Variants in DNAAF10 observed in about 807,000 individuals in gnomAD.
DNAAF10 encodes the protein WD repeat domain 92.
A neutral mutation model predicts 43.7 loss-of-function variants in DNAAF10; 28 were observed. The ratio of observed to expected loss-of-function variants is 0.64; its 90% CI spans 0.48 to 0.88. The LOEUF (loss-of-function observed/expected upper bound fraction) is 0.88, where lower values mean the gene tolerates loss of function less well. Ranked by LOEUF, DNAAF10 falls within the 40% of genes least tolerant of loss-of-function variation. The probability of loss-of-function intolerance (pLI) is 0.00; values close to 1 mark genes in which losing one functional copy is unlikely to be tolerated. For missense variants in DNAAF10, 403 were observed against 439.1 expected (o/e 0.92, Z 0.73); for synonymous variants, 156 against 157.3 (o/e 0.99, Z 0.06).
intron 1 of DNAAF10, 21 bp downstream of exon 1, chr2:68,157,240 G>C (rs755172486): frequency 2.5e-6 from 4 of 1,603,160 alleles, no homozygotes; most frequent in South Asian, 2.2e-5. Flanking sequence ...CGGCAGTCCG[G>C]ATCCTCGACC....
Position 68,156,912 on chromosome 2 carries a change from G to A in DNAAF10, c.183+349C>T, listed in dbSNP as rs780388514. ...TCCCACTAGAAAATAAACTCCATGA[G>A]ATGGGGGACATTACCATTCACATCC... On this transcript the variant is annotated intron_variant, in intron 1 of 7. Coordinates refer to ENST00000295121, the MANE Select transcript of DNAAF10 (RefSeq NM_138458.4). 9.6e-6 allele frequency: 3 copies of A among 312,452 alleles called. No homozygotes were observed. In the East Asian group the frequency reaches 2.0e-4, roughly 21 times the overall value. The allele number at this position is 312,452 out of a possible 1,614,324, so 19.4% of individuals were successfully genotyped here.
At chr2:68,140,183 CT>C (rs952449088) in intron 4 of DNAAF10, among the ~76,000 whole-genome samples, 3 of 152,234 alleles carry the variant, frequency 2.0e-5, no homozygotes, top group African/African-American at 7.2e-5. Flanking sequence ...AAGGAGGCCC[CT>C]GTCACTGTGC....
intron 4 of DNAAF10, 89 bp from the exon 5 acceptor site, chr2:68,138,946 CTT>C: frequency 1.1e-6 from 1 of 897,244 alleles, no homozygotes; most frequent in Non-Finnish European, 1.8e-6. Context: ...TAACATAAAA[CTT>C]ATATTAAATC....
intron 1 of DNAAF10, among the ~76,000 whole-genome samples, chr2:68,151,170 T>C (rs767436681): frequency 1.2e-4 from 18 of 152,240 alleles, no homozygotes; most frequent in Non-Finnish European, 2.1e-4. Flanking sequence ...GCCTATGGTA[T>C]ACAAAATGCA....
intron 1 of DNAAF10, among the ~76,000 whole-genome samples, chr2:68,151,724 C>G (rs1278417194): frequency 6.6e-6 from 1 of 152,180 alleles, no homozygotes. Context: ...CTTTCATGTG[C>G]CAGGGTTCTG....
chr2:68,139,637 A>C (rs558073641), intron 4 of DNAAF10, among the ~76,000 whole-genome samples: 2 of 150,464 alleles, frequency 1.3e-5, no homozygotes, highest in Non-Finnish European at 3.0e-5. Context: ...AAAAAAAAAA[A>C]GAAAAAAATA....
At chr2:68,134,194 T>C (rs1672983721) in intron 7 of DNAAF10, 1 of 986,962 alleles carries the variant, frequency 1.0e-6, no homozygotes, top group Non-Finnish European at 1.2e-6. Context: ...GTATCTGTGA[T>C]GTTAGCGCCC....
At chr2:68,143,386 T>C (rs762215394) in intron 3 of DNAAF10, among the ~76,000 whole-genome samples, 5 of 152,160 alleles carry the variant, frequency 3.3e-5, no homozygotes, top group South Asian at 2.1e-4. Context: ...TTTCGCTATG[T>C]TGCCCAGGCT....
At chr2:68,138,887 C>A (rs1673109488) in intron 4 of DNAAF10, 30 bp from the exon 5 acceptor site, 1 of 1,470,076 alleles carries the variant, frequency 6.8e-7, no homozygotes. Context: ...ATTTCACATC[C>A]TTATAAATGC....
At chr2:68,150,256 G>C (rs544737083) in intron 1 of DNAAF10, among the ~76,000 whole-genome samples, 2 of 152,262 alleles carry the variant, frequency 1.3e-5, no homozygotes, top group East Asian at 3.9e-4. Flanking sequence ...AGACCCTTTA[G>C]ACTAGAGAAT....
At chr2:68,156,747 T>A (rs1673628203) in intron 1 of DNAAF10, among the ~76,000 whole-genome samples, 1 of 152,254 alleles carries the variant, frequency 6.6e-6, no homozygotes, top group East Asian at 1.9e-4. Flanking sequence ...AGTTAGCTTC[T>A]GCACATACCA....
At position 68,147,455 on chromosome 2, in the gene DNAAF10, A is replaced by C. The variant is rs1425551052; in HGVS notation, c.284+12T>G. On this transcript the variant is annotated intron_variant, in intron 2 of 7. Coordinates refer to ENST00000295121, the MANE Select transcript of DNAAF10 (RefSeq NM_138458.4). ...TATCTCATCTGTCTGAATACTGACT[A>C]AATCATCTTACCATATATGAAGGTT... The C allele has an allele frequency of 7.5e-6, 12 of 1,597,306 alleles. No homozygotes were observed. Among genetic ancestry groups the C allele is most frequent in the Non-Finnish European group, 1.0e-5 (12 of 1,166,440 alleles).
At chr2:68,147,322 TTA>T (rs1365688606) in intron 2 of DNAAF10, 143 bp downstream of exon 2, 2 of 584,224 alleles carry the variant, frequency 3.4e-6, no homozygotes, top group South Asian at 4.5e-5. Flanking sequence ...GAAATATATA[TTA>T]GAGACAATTC....
chr2:68,154,897 G>A (rs1324630647), intron 1 of DNAAF10, among the ~76,000 whole-genome samples: 1 of 151,974 alleles, frequency 6.6e-6, no homozygotes, highest in Non-Finnish European at 1.5e-5. Context: ...CAAGTAGCTG[G>A]GACTACAGGC....
chr2:68,147,700 T>A (rs1673353760), intron 1 of DNAAF10, 133 bp from the exon 2 acceptor site: 2 of 582,016 alleles, frequency 3.4e-6, no homozygotes, highest in Non-Finnish European at 5.5e-6. Flanking sequence ...CATCTTCTGA[T>A]GAAAATAATC....
At position 68,157,429 on chromosome 2, in the gene DNAAF10, C is replaced by T. The variant is rs1212911326; in HGVS notation, c.15G>A (p.Glu5=). 6.2e-7 allele frequency: 1 copy of T among 1,614,194 alleles called. No individual in the cohort carries two copies. Among genetic ancestry groups the T allele is most frequent in the East Asian group, 2.2e-5 (1 of 44,884 alleles). ...GGATATGGGCGATGATCTGAGGCTT[C>T]TCGAAGGCCGACATGGTGCAGCCAA... MSAF[E]KPQIIAHIQK... The change falls in exon 1 of 8, where the codon GAG becomes GAA. Residue 5 remains glutamate (E), a synonymous_variant. Transcript: ENST00000295121.
At position 68,130,129 on chromosome 2, in the gene DNAAF10, TA is replaced by T. The variant is rs1305883096; in HGVS notation, c.*1108del. 16 of 138,412 alleles carry T rather than the reference TA, an allele frequency of 1.2e-4. No individual in the cohort carries two copies. The highest frequency in any genetic ancestry group is 4.4e-4 in the African/African-American group (16 of 36,526). The allele number at this position is 138,412 out of a possible 1,614,324, so 8.6% of individuals were successfully genotyped here. Reference sequence around the variant, plus strand: ...TGAGAGAGAGAGATATATATATATATATTTGTTTTTTTTTTTTTTGAGACGG... The same window carrying T: ...TGAGAGAGAGAGATATATATATATATTTTGTTTTTTTTTTTTTTGAGACGG... On this transcript the variant is annotated 3_prime_UTR_variant, in exon 8 of 8. Transcript: ENST00000295121.
At position 68,157,338 on chromosome 2, in the gene DNAAF10, T is replaced by C. The variant is rs1673654342; in HGVS notation, c.106A>G (p.Met36Val). 5 of 1,614,134 alleles carry C rather than the reference T, an allele frequency of 3.1e-6. No individual in the cohort carries two copies. The highest frequency in any genetic ancestry group is 4.2e-6 in the Non-Finnish European group (5 of 1,180,016). Residue 36 changes from methionine to valine, a missense_variant, in exon 1 of 8, where the codon ATG (methionine) becomes GTG (valine). Transcript: ENST00000295121. ...CCGGTGCCCCGTGCGAAGTTGCCCA[T>C]GGTCACAAATTTGGCGCTGCAGGGC... The part of the protein sequence containing the change: ...WVPCSAKFVT[M>V]GNFARGTGVI...
intron 3 of DNAAF10, among the ~76,000 whole-genome samples, chr2:68,143,862 TA>T (rs1034452994): frequency 6.6e-6 from 1 of 151,928 alleles, no homozygotes; most frequent in Non-Finnish European, 1.5e-5. Context: ...CTTTTATGAT[TA>T]AAAAAAATAA....
Sources: gnomAD v4.1 joint callset for allele counts (sites outside exome capture counted in the v4.1 genomes callset) on GRCh38, gnomAD v4.1.1 for gene constraint, MANE v1.5 for transcripts, NCBI Gene and HGNC (gene_info 2026-07-23, HGNC 2026-07-21) for gene names.